Variants in CPA6 observed in about 807,000 individuals in gnomAD.
CPA6 encodes the protein carboxypeptidase A6.
A neutral mutation model predicts 63.3 loss-of-function variants in CPA6; 58 were observed. The observed-to-expected ratio is 0.92, with a 90% CI of 0.74 to 1.14. The LOEUF (loss-of-function observed/expected upper bound fraction) is 1.14. Among genes scored for constraint, CPA6 ranks in the 50% most tolerant of loss-of-function variants. The probability of loss-of-function intolerance (pLI) is 0.00; values close to 1 mark genes in which losing one functional copy is unlikely to be tolerated. For missense variants in CPA6, 565 were observed against 526.6 expected (o/e 1.07, Z -0.71); for synonymous variants, 185 against 179.0 (o/e 1.03, Z -0.27).
intron 1 of CPA6, among the ~76,000 whole-genome samples, chr8:67,709,510 C>T (rs957408468): frequency 1.3e-5 from 2 of 152,104 alleles, no homozygotes; most frequent in African/African-American, 4.8e-5. Flanking sequence ...TAAAGGAGGG[C>T]CTTTCTGAAT....
intron 2 of CPA6, among the ~76,000 whole-genome samples, chr8:67,574,696 T>A (rs767859824): frequency 1.3e-5 from 2 of 152,112 alleles, no homozygotes; most frequent in Non-Finnish European, 2.9e-5. Context: ...TGCAAAAGAA[T>A]AAATTTGGAC....
In CPA6 at chr8:67,594,396, C is replaced by A. The variant is rs533123387; in HGVS notation, c.192+29780G>T. Among the ~76,000 whole-genome samples the A allele has an allele frequency of 6.4e-3, 973 of 152,080 alleles. 11 individuals carry two copies. Among genetic ancestry groups the A allele is most frequent in the Middle Eastern group, 0.017 (5 of 294 alleles). ...CTCTTCTCGAGGAGTATCTTTGCGG[C>A]GTTCTCTGTATTTCCTGAATCTGAA... On this transcript the variant is annotated intron_variant, in intron 2 of 10. Transcript: ENST00000297770.
intron 1 of CPA6, among the ~76,000 whole-genome samples, chr8:67,676,663 C>CT (rs759051709): frequency 4.3e-4 from 66 of 152,184 alleles, no homozygotes; most frequent in South Asian, 6.2e-4. Flanking sequence ...TCTAGACAGG[C>CT]TTTTACATGC....
At chr8:67,576,477 T>C (rs913298070) in intron 2 of CPA6, among the ~76,000 whole-genome samples, 1 of 152,190 alleles carries the variant, frequency 6.6e-6, no homozygotes, top group Non-Finnish European at 1.5e-5. Flanking sequence ...AGAAGTGCTA[T>C]AGGTGTATGC....
intron 8 of CPA6, among the ~76,000 whole-genome samples, chr8:67,481,826 G>C (rs1421722427): frequency 6.6e-6 from 1 of 152,162 alleles, no homozygotes; most frequent in Non-Finnish European, 1.5e-5. Flanking sequence ...ACCCTGGGAG[G>C]GAGGCAGGTC....
chr8:67,509,166 A>T (rs573325536), intron 5 of CPA6, among the ~76,000 whole-genome samples: 1 of 152,294 alleles, frequency 6.6e-6, no homozygotes, highest in East Asian at 1.9e-4. Context: ...TCCTCCCACA[A>T]CTTTGGAAAT....
At chr8:67,607,251 T>TCTTCTTCTTCTTCTTCTTCTC (rs1554679725) in intron 2 of CPA6, among the ~76,000 whole-genome samples, 2 of 81,088 alleles carry the variant, frequency 2.5e-5, no homozygotes, top group East Asian at 3.1e-4. Context: ...TTCTTCTTCT[T>TCTTCTTCTTCTTCTTCTTCTC]CTCCTCCTCC....
chr8:67,668,377 C>T (rs747130001), intron 1 of CPA6, among the ~76,000 whole-genome samples: 20 of 152,086 alleles, frequency 1.3e-4, no homozygotes, highest in African/African-American at 2.7e-4. Context: ...ATCTGTTGTC[C>T]GTTAGTTACA....
intron 8 of CPA6, among the ~76,000 whole-genome samples, chr8:67,457,772 C>T (rs533978264): frequency 9.1e-4 from 139 of 152,310 alleles, no homozygotes; most frequent in African/African-American, 3.2e-3. Flanking sequence ...CAAGCCCCTA[C>T]TGATCGAACA....
At chr8:67,481,211 T>C (rs955648007) in intron 8 of CPA6, among the ~76,000 whole-genome samples, 1 of 152,226 alleles carries the variant, frequency 6.6e-6, no homozygotes, top group African/African-American at 2.4e-5. Flanking sequence ...CTCGATTTGT[T>C]CCAATTTGGA....
At chr8:67,481,804 G>A (rs1454803687) in intron 8 of CPA6, among the ~76,000 whole-genome samples, 1 of 152,166 alleles carries the variant, frequency 6.6e-6, no homozygotes. Context: ...TAACTGCGGG[G>A]GGATGGACCT....
At chr8:67,644,727 C>A (rs1378595452) in intron 1 of CPA6, among the ~76,000 whole-genome samples, 1 of 152,130 alleles carries the variant, frequency 6.6e-6, no homozygotes, top group Admixed American at 6.5e-5. Flanking sequence ...TTGGCTTGCA[C>A]ATGTCAGGAG....
At chr8:67,429,979 A>C (rs1429827185) in intron 9 of CPA6, among the ~76,000 whole-genome samples, 1 of 152,066 alleles carries the variant, frequency 6.6e-6, no homozygotes, top group African/African-American at 2.4e-5. Flanking sequence ...CATTTTTTCC[A>C]AGAATTATTT....
At chr8:67,579,359 G>A (rs530928220) in intron 2 of CPA6, among the ~76,000 whole-genome samples, 1 of 152,320 alleles carries the variant, frequency 6.6e-6, no homozygotes, top group South Asian at 2.1e-4. Flanking sequence ...GTTGCAGTGA[G>A]CCGAGATTGT....
chr8:67,595,609 T>C (rs201480987), intron 2 of CPA6, among the ~76,000 whole-genome samples: 1 of 152,180 alleles, frequency 6.6e-6, no homozygotes, highest in Non-Finnish European at 1.5e-5. Flanking sequence ...CCCCCAGCCT[T>C]GCTGCCACCT....
At chr8:67,438,653 C>T (rs917646751) in intron 8 of CPA6, among the ~76,000 whole-genome samples, 4 of 152,118 alleles carry the variant, frequency 2.6e-5, no homozygotes, top group East Asian at 1.9e-4. Context: ...ATATGAGAAT[C>T]GCAGGTTAGT....
intron 10 of CPA6, among the ~76,000 whole-genome samples, chr8:67,426,379 T>C (rs951553429): frequency 6.6e-6 from 1 of 152,224 alleles, no homozygotes; most frequent in Non-Finnish European, 1.5e-5. Context: ...AAAACGTTAA[T>C]GTTTAAAAAT....
At chr8:67,562,375 C>A (rs1489772205) in intron 2 of CPA6, among the ~76,000 whole-genome samples, 2 of 152,198 alleles carry the variant, frequency 1.3e-5, no homozygotes. Context: ...AAGATTTGCG[C>A]CCTTCCTGGC....
Position 67,476,073 on chromosome 8 carries a change from G to A in CPA6, c.838+7695C>T, listed in dbSNP as rs563641771. On this transcript the variant is annotated intron_variant, in intron 8 of 10. Transcript: ENST00000297770. ...TCTGTTGCTGAGGTTGGAGTGCAGT[G>A]GTGCGATCTTGGCTCACGGCAACCG... Among the ~76,000 whole-genome samples the A allele has an allele frequency of 2.9e-4, 44 of 150,712 alleles. No homozygotes were observed. In the South Asian group the frequency reaches 8.6e-3, roughly 30 times the overall value.
Sources: gnomAD v4.1 joint callset for allele counts (sites outside exome capture counted in the v4.1 genomes callset) on GRCh38, gnomAD v4.1.1 for gene constraint, MANE v1.5 for transcripts, NCBI Gene and HGNC (gene_info 2026-07-23, HGNC 2026-07-21) for gene names.